The following MYO1H variants were observed in gnomAD, a reference collection of about 807,000 sequenced individuals.
The protein encoded by MYO1H is myosin IH.
A neutral mutation model predicts 149.3 loss-of-function variants in MYO1H; 118 were observed. The ratio of observed to expected loss-of-function variants is 0.79; its 90% CI spans 0.68 to 0.92. The LOEUF is 0.92. MYO1H is among the 40% of genes least tolerant of loss of function. The pLI, the probability that MYO1H is intolerant of heterozygous loss-of-function variation, is 0.00. For synonymous variants in MYO1H, 447 were observed against 465.2 expected, an observed-to-expected ratio of 0.96 and a Z score of 0.50; for missense variants, 1,212 against 1,280.7, an observed-to-expected ratio of 0.95 and a Z score of 0.82.
At chr12:109,417,570 A>G (rs1357929445) in intron 15 of MYO1H, among the ~76,000 whole-genome samples, 2 of 151,906 alleles carry the variant, frequency 1.3e-5, no homozygotes, top group Admixed American at 6.6e-5. Context: ...CTCGTGATGC[A>G]CCCACCTTGG....
intron 1 of MYO1H, among the ~76,000 whole-genome samples, chr12:109,351,131 T>C (rs1868453790): frequency 6.6e-6 from 1 of 152,206 alleles, no homozygotes; most frequent in Admixed American, 6.5e-5. Flanking sequence ...AGTAATATGT[T>C]GGGTTCAGCA....
chr12:109,310,611 GTT>G, the MYO1H span, among the ~76,000 whole-genome samples: 5 of 147,402 alleles, frequency 3.4e-5, no homozygotes, highest in Admixed American at 2.0e-4. Context: ...ACCTGTGACT[GTT>G]TTTTTTTTTT....
At chr12:109,328,315 C>T in the MYO1H span, among the ~76,000 whole-genome samples, 1 of 151,958 alleles carries the variant, frequency 6.6e-6, no homozygotes. Context: ...AATTCTTAAT[C>T]CTTAGAACAA....
intron 1 of MYO1H, among the ~76,000 whole-genome samples, chr12:109,361,997 A>C (rs1054340881): frequency 6.6e-6 from 1 of 152,218 alleles, no homozygotes; most frequent in African/African-American, 2.4e-5. Context: ...GGCAAAAATC[A>C]CAAGTGAATC....
chr12:109,445,530 G>A, exon 31 of MYO1H: 1 of 1,610,962 alleles, frequency 6.2e-7, no homozygotes, highest in Non-Finnish European at 8.5e-7. Context: ...TTTTTTATTA[G>A]TCCGGGAAAA....
chr12:109,372,289 G>A (rs920172697), intron 1 of MYO1H, among the ~76,000 whole-genome samples: 1 of 151,856 alleles, frequency 6.6e-6, no homozygotes, highest in Non-Finnish European at 1.5e-5. Flanking sequence ...GATCCTTCCA[G>A]AATTGTTTTG....
the MYO1H span, among the ~76,000 whole-genome samples, chr12:109,312,381 T>TTTTTGTTTTGTTTTGTTTTGTTTTG: frequency 2.7e-4 from 40 of 150,856 alleles, no homozygotes; most frequent in African/African-American, 8.6e-4. Flanking sequence ...CCCAGCTAAT[T>TTTTTGTTTTGTTTTGTTTTGTTTTG]TTTTGTTTTG....
chr12:109,442,449 A>G (rs1281527787), intron 27 of MYO1H, among the ~76,000 whole-genome samples, 177 bp downstream of exon 27: 1 of 152,220 alleles, frequency 6.6e-6, no homozygotes. Flanking sequence ...AATGATGATT[A>G]GATAATGGCT....
At chr12:109,315,732 A>G in the MYO1H span, among the ~76,000 whole-genome samples, 3 of 152,204 alleles carry the variant, frequency 2.0e-5, no homozygotes, top group African/African-American at 7.2e-5. Context: ...TTATCACCCA[A>G]TCCCAAGACT....
At position 109,409,638 on chromosome 12, in the gene MYO1H, T is replaced by C. The variant is rs754782723; in HGVS notation, c.1223+14T>C. 46 of 1,588,728 alleles carry C rather than the reference T, an allele frequency of 2.9e-5. No homozygotes were observed. The Admixed American group carries it at 7.7e-4, about 27-fold the overall frequency. On this transcript the variant is annotated intron_variant, in intron 11 of 31. Coordinates refer to ENST00000310903, the Ensembl canonical transcript of MYO1H. ...TGACAAGAATGGGTATGTTTTGTCA[T>C]TACCTACCTATCTGTCTTTTGCCCT...
At chr12:109,418,520 T>G (rs955022525) in intron 15 of MYO1H, among the ~76,000 whole-genome samples, 4 of 151,918 alleles carry the variant, frequency 2.6e-5, no homozygotes, top group African/African-American at 9.7e-5. Flanking sequence ...CAACTAATTT[T>G]TGTATTTTTA....
intron 5 of MYO1H, among the ~76,000 whole-genome samples, chr12:109,398,624 A>C (rs10850130): frequency 0.51 from 77,148 of 150,718 alleles, 20,670 homozygotes; most frequent in African/African-American, 0.66. Context: ...GTGGTGTGCG[A>C]CTGTAATCCC....
At chr12:109,388,716 C>T in exon 2 of MYO1H, 1 of 1,604,230 alleles carries the variant, frequency 6.2e-7, no homozygotes, top group Non-Finnish European at 8.5e-7. Flanking sequence ...CATCCGTCTG[C>T]ACATGGAAGG....
chr12:109,436,405 G>A, intron 21 of MYO1H, 83 bp from the exon 22 acceptor site: 1 of 931,810 alleles, frequency 1.1e-6, no homozygotes, highest in Non-Finnish European at 1.7e-6. Context: ...CCTTCCATCG[G>A]CCCCCAAACA....
At chr12:109,333,374 G>A in the MYO1H span, among the ~76,000 whole-genome samples, 4 of 151,878 alleles carry the variant, frequency 2.6e-5, no homozygotes, top group South Asian at 2.1e-4. Context: ...ATGTTGCATC[G>A]TGTCCTCTCT....
At chr12:109,397,898 A>T in intron 5 of MYO1H, 86 bp downstream of exon 5, 1 of 1,002,640 alleles carries the variant, frequency 1.0e-6, no homozygotes. Flanking sequence ...TAAGGGGAGA[A>T]CGGCATTTTT....
chr12:109,433,503 C>T (rs185179196), intron 20 of MYO1H, among the ~76,000 whole-genome samples: 4 of 152,286 alleles, frequency 2.6e-5, no homozygotes, highest in African/African-American at 7.2e-5. Flanking sequence ...GGACATGAAT[C>T]GGGAAGATCC....
intron 24 of MYO1H, among the ~76,000 whole-genome samples, chr12:109,440,369 C>T (rs1212910016): frequency 6.6e-6 from 1 of 152,124 alleles, no homozygotes; most frequent in Non-Finnish European, 1.5e-5. Context: ...CTATTCCTGA[C>T]GTAGCCTTCC....
At chr12:109,349,852 T>G (rs1030181205) in intron 1 of MYO1H, among the ~76,000 whole-genome samples, 4 of 150,418 alleles carry the variant, frequency 2.7e-5, no homozygotes, top group East Asian at 3.9e-4. Flanking sequence ...TCCCAGCTAC[T>G]CGGGAGGCTG....
Sources: gnomAD v4.1 joint callset for allele counts (sites outside exome capture counted in the v4.1 genomes callset) on GRCh38, gnomAD v4.1.1 for gene constraint, MANE v1.5 for transcripts, NCBI Gene and HGNC (gene_info 2026-07-23, HGNC 2026-07-21) for gene names.